Variants in RB1 observed in about 807,000 individuals in gnomAD.
RB1 encodes retinoblastoma-associated protein.
RB1 carries 18 observed loss-of-function variants against 135.4 expected under a neutral mutation model. The observed-to-expected ratio is 0.13, with a 90% CI of 0.09 to 0.20. The LOEUF (loss-of-function observed/expected upper bound fraction) is 0.20. RB1 is among the 10% of genes least tolerant of loss of function. The pLI is 1.00. For missense variants in RB1, 868 were observed against 1,110.0 expected (o/e 0.78, Z 3.10); for synonymous variants, 365 against 373.2 (o/e 0.98, Z 0.25).
At chr13:48,463,936 TTC>T (rs1949420924) in intron 21 of RB1, 101 bp downstream of exon 21, 1 of 748,138 alleles carries the variant, frequency 1.3e-6, no homozygotes, top group African/African-American at 1.7e-5. Context: ...AGATCATATA[TTC>T]TGTCTGACCT....
At chr13:48,453,414 G>A (rs1021483340) in intron 18 of RB1, among the ~76,000 whole-genome samples, 9 of 152,126 alleles carry the variant, frequency 5.9e-5, no homozygotes, top group African/African-American at 1.9e-4. Flanking sequence ...AGAGGAGTGT[G>A]TTCCAAGAGT....
At chr13:48,328,878 T>C (rs1952310503) in intron 2 of RB1, among the ~76,000 whole-genome samples, 1 of 152,210 alleles carries the variant, frequency 6.6e-6, no homozygotes, top group Admixed American at 6.5e-5. Context: ...GTGCTTTAAA[T>C]ATCTCTCCAT....
chr13:48,327,069 A>C (rs1388847074), intron 2 of RB1, among the ~76,000 whole-genome samples: 1 of 151,868 alleles, frequency 6.6e-6, no homozygotes, highest in Non-Finnish European at 1.5e-5. Context: ...TACTAGTAAG[A>C]AAGCCAGTAG....
rs543655176 is a variant in RB1 at position 48,473,995 on chromosome 13, T to G, written c.2520+605T>G. 4.6e-5 allele frequency among the ~76,000 whole-genome samples: 7 copies of G among 152,266 alleles called. No homozygotes were observed. The South Asian group carries it at 1.5e-3, about 32-fold the overall frequency. Reference sequence around the variant, plus strand: ...ACAAAACTCTGGAAAATATTCTACTTACTATTATCAGTTCATCATAAAAGA... The same window carrying G: ...ACAAAACTCTGGAAAATATTCTACTGACTATTATCAGTTCATCATAAAAGA... On this transcript the variant is annotated intron_variant, in intron 24 of 26. Coordinates refer to ENST00000267163, the MANE Select transcript of RB1 (RefSeq NM_000321.3).
intron 2 of RB1, among the ~76,000 whole-genome samples, chr13:48,315,683 T>G (rs1009540182): frequency 6.6e-6 from 1 of 152,232 alleles, no homozygotes; most frequent in African/African-American, 2.4e-5. Flanking sequence ...CTTATTATTT[T>G]GAAGTATGTT....
rs1264573046 is a variant in RB1, at chr13:48,379,668, TA to T, written c.1389+25del. 4 of 1,606,940 alleles carry T rather than the reference TA, an allele frequency of 2.5e-6. No homozygotes were observed. Among genetic ancestry groups the T allele is most frequent in the Non-Finnish European group, 2.5e-6 (3 of 1,177,080 alleles). ...TTAAATCAGTAAGTTAAAAACAATA[TA>T]AAAAAATTTCAGCCGGGCGCGGTGG... On this transcript the variant is annotated intron_variant, in intron 14 of 26. Coordinates refer to ENST00000267163, the MANE Select transcript of RB1 (RefSeq NM_000321.3).
chr13:48,447,736 A>G (rs1949298641), intron 17 of RB1, among the ~76,000 whole-genome samples: 1 of 152,126 alleles, frequency 6.6e-6, no homozygotes, highest in Non-Finnish European at 1.5e-5. Context: ...TACCTACTGC[A>G]CTATAGTTTT....
chr13:48,351,917 A>G (rs1427333872), intron 6 of RB1, among the ~76,000 whole-genome samples: 1 of 151,906 alleles, frequency 6.6e-6, no homozygotes, highest in Admixed American at 6.6e-5. Flanking sequence ...CAGGTGATCC[A>G]TGCACCTCAG....
At chr13:48,352,430 CTG>C (rs1248371205) in intron 6 of RB1, among the ~76,000 whole-genome samples, 2 of 151,388 alleles carry the variant, frequency 1.3e-5, no homozygotes, top group African/African-American at 4.9e-5. Flanking sequence ...AGCCTTGAAT[CTG>C]TAATTTTTTT....
At chr13:48,347,734 T>C in intron 4 of RB1, 91 bp from the exon 5 acceptor site, 1 of 873,536 alleles carries the variant, frequency 1.1e-6, no homozygotes, top group Non-Finnish European at 1.8e-6. Flanking sequence ...AATATATACT[T>C]CTTAAAAGAA....
chr13:48,359,627 T>TA (rs1180341813), intron 6 of RB1, among the ~76,000 whole-genome samples: 2 of 148,864 alleles, frequency 1.3e-5, no homozygotes, highest in African/African-American at 4.9e-5. Context: ...AAATTAGAAT[T>TA]AAAGATTAGC....
chr13:48,369,985 C>G (rs544548501), intron 11 of RB1, among the ~76,000 whole-genome samples: 1 of 152,106 alleles, frequency 6.6e-6, no homozygotes, highest in Admixed American at 6.5e-5. Context: ...AAACTTGGTA[C>G]ATAGTAGGCA....
rs144668210 is a variant in RB1, at chr13:48,476,750, G to T, written c.2570G>T (p.Arg857Leu). The T allele has an allele frequency of 1.2e-6, 2 of 1,613,384 alleles. No individual in the cohort carries two copies. Among genetic ancestry groups the T allele is most frequent in the Non-Finnish European group, 1.7e-6 (2 of 1,179,460 alleles). ...AATCAGATGGTATGTAACAGCGACC[G>T]TGTGCTCAAAAGAAGTGCTGAAGGA... is the stretch of plus-strand genomic sequence containing the variant. ...KINQMVCNSD[R>L]VLKRSAEGSN... is the part of the protein sequence containing the mutation. Residue 857 changes from arginine to leucine, a missense_variant, in exon 25 of 27, where the codon CGT (arginine) becomes CTT (leucine). By Grantham distance (102) the Arg-to-Leu change is moderately radical (BLOSUM62 -2). This residue lies in a region of RB1 where 196 missense variants were observed against 239.8 expected (regional missense o/e 0.82). Transcript: ENST00000267163.
chr13:48,377,110 ATACTC>A, intron 13 of RB1, 76 bp downstream of exon 13: 1 of 1,398,134 alleles, frequency 7.2e-7, no homozygotes, highest in Non-Finnish European at 1.0e-6. Context: ...GTTCGTATAA[ATACTC>A]TAACAGTATT....
At chr13:48,330,247 C>G (rs1952321130) in intron 2 of RB1, among the ~76,000 whole-genome samples, 1 of 151,866 alleles carries the variant, frequency 6.6e-6, no homozygotes, top group African/African-American at 2.4e-5. Flanking sequence ...GATAAGTAAC[C>G]TAACTTTACA....
At chr13:48,399,959 C>T (rs764334332) in intron 17 of RB1, among the ~76,000 whole-genome samples, 3 of 152,004 alleles carry the variant, frequency 2.0e-5, no homozygotes, top group African/African-American at 4.8e-5. Flanking sequence ...CCACACCATC[C>T]ATATTATACA....
chr13:48,383,551 T>G (rs528034784), intron 17 of RB1, among the ~76,000 whole-genome samples: 75 of 152,120 alleles, frequency 4.9e-4, no homozygotes, highest in Non-Finnish European at 9.7e-4. Context: ...AGTTTTAATT[T>G]CCTTACGTTT....
At chr13:48,315,637 A>C (rs1952174980) in intron 2 of RB1, among the ~76,000 whole-genome samples, 1 of 152,180 alleles carries the variant, frequency 6.6e-6, no homozygotes, top group Non-Finnish European at 1.5e-5. Flanking sequence ...TTGCCTCTTA[A>C]GTATGATGTT....
At chr13:48,371,713 G>C (rs968845706) in intron 11 of RB1, among the ~76,000 whole-genome samples, 1 of 152,108 alleles carries the variant, frequency 6.6e-6, no homozygotes, top group Non-Finnish European at 1.5e-5. Context: ...ATAATGGCAA[G>C]AGTGGGTGGC....
Sources: allele counts gnomAD v4.1 joint callset (sites outside exome capture counted in the v4.1 genomes callset), GRCh38; gene constraint gnomAD v4.1.1; regional missense constraint gnomAD v4.1.1; transcripts MANE v1.5; gene names NCBI Gene and HGNC (gene_info 2026-07-23, HGNC 2026-07-21).